Variants in GSK3B observed in about 807,000 individuals in gnomAD.
GSK3B encodes the protein glycogen synthase kinase 3 beta, also known as glycogen synthase kinase-3 beta.
GSK3B carries 15 observed loss-of-function variants against 56.4 expected under a neutral mutation model. The ratio of observed to expected loss-of-function variants is 0.27; its 90% CI spans 0.18 to 0.41. GSK3B has a LOEUF of 0.41. Among genes scored for constraint, GSK3B ranks in the 10% least tolerant of loss-of-function variants. The pLI is 1.00. For synonymous variants in GSK3B, 181 were observed against 188.9 expected, an observed-to-expected ratio of 0.96 and a Z score of 0.34; for missense variants, 300 against 513.4, an observed-to-expected ratio of 0.58 and a Z score of 4.02.
chr3:119,946,694 G>A (rs985708781), intron 3 of GSK3B, among the ~76,000 whole-genome samples: 4 of 152,170 alleles, frequency 2.6e-5, no homozygotes, highest in African/African-American at 7.2e-5. Context: ...GTTGGAAGGA[G>A]TTATTAACAG....
chr3:119,828,539 G>T (rs2055551013), intron 10 of GSK3B, among the ~76,000 whole-genome samples: 1 of 152,166 alleles, frequency 6.6e-6, no homozygotes, highest in Non-Finnish European at 1.5e-5. Context: ...TTCTCTCTAG[G>T]ACTGAAGGGA....
rs547998464 is a variant in GSK3B at position 120,019,751 on chromosome 3, C to T, written c.89-17512G>A. Among the ~76,000 whole-genome samples, 136 of 152,318 alleles carry T rather than the reference C, an allele frequency of 8.9e-4. 1 individual carries two copies. In the Middle Eastern group the frequency reaches 0.01, roughly 11 times the overall value. ...CCTGCCAGACTCCCGCAAGTCTCTA[C>T]GCCTGACCTCCCTCTGATTAAATCC... On this transcript the variant is annotated intron_variant, in intron 1 of 10. Transcript: ENST00000264235.
intron 2 of GSK3B, among the ~76,000 whole-genome samples, chr3:119,947,613 T>A (rs888848406): frequency 6.6e-6 from 1 of 152,168 alleles, no homozygotes; most frequent in Non-Finnish European, 1.5e-5. Context: ...TAAATTGATA[T>A]CTAAGAATAT....
chr3:119,852,790 T>C (rs2108021304), intron 9 of GSK3B, among the ~76,000 whole-genome samples: 1 of 152,316 alleles, frequency 6.6e-6, no homozygotes, highest in Middle Eastern at 3.4e-3. Flanking sequence ...TTCTTGTAAA[T>C]TTGTTTAAGT....
Position 119,826,294 on chromosome 3 carries a change from A to ATACT in GSK3B, c.*493_*494insAGTA. The ATACT allele has an allele frequency of 6.8e-6, 2 of 293,898 alleles. No individual in the cohort carries two copies. The highest frequency in any genetic ancestry group is 9.5e-5 in the Admixed American group (2 of 21,024). The allele number at this position is 293,898 out of a possible 1,614,324, so 18.2% of individuals were successfully genotyped here. A position where few individuals can be genotyped will look rare whatever the true frequency, so the allele number is the denominator to read the frequency against. ...GATATGGATTAATTTTACAAGTGAC[A>ATACT]TTTAAGTCCCCGTTGAGTTATACCT... On this transcript the variant is annotated 3_prime_UTR_variant, in exon 11 of 11. Transcript: ENST00000264235.
chr3:119,859,807 T>C (rs796116790), intron 9 of GSK3B, among the ~76,000 whole-genome samples: 1 of 152,266 alleles, frequency 6.6e-6, no homozygotes, highest in East Asian at 1.9e-4. Flanking sequence ...TGCATATTGC[T>C]CACTGGCTGC....
intron 1 of GSK3B, among the ~76,000 whole-genome samples, chr3:120,015,552 A>G (rs1404906632): frequency 6.9e-6 from 1 of 144,790 alleles, no homozygotes; most frequent in Non-Finnish European, 1.5e-5. Context: ...CGGGAGGCTG[A>G]GGCAAGAGAA....
At chr3:119,826,942 G>A (rs1179029876) in intron 10 of GSK3B, 87 bp from the exon 11 acceptor site, 5 of 795,202 alleles carry the variant, frequency 6.3e-6, no homozygotes, top group Non-Finnish European at 8.7e-6. Context: ...TGCAGGCTGT[G>A]AACTGTATGG....
intron 1 of GSK3B, among the ~76,000 whole-genome samples, chr3:120,053,236 C>T (rs1393212114): frequency 1.3e-5 from 2 of 152,144 alleles, no homozygotes; most frequent in African/African-American, 4.8e-5. Flanking sequence ...ACTCGGGAGG[C>T]TGAGGCAGAA....
chr3:119,998,920 G>A (rs189148580), intron 2 of GSK3B, among the ~76,000 whole-genome samples: 3 of 152,204 alleles, frequency 2.0e-5, no homozygotes, highest in African/African-American at 4.8e-5. Flanking sequence ...TTCAAATAAC[G>A]TACATTTAAA....
chr3:120,094,411 A>G lies in GSK3B; in HGVS notation c.-977T>C. The G allele has an allele frequency of 3.1e-6, 1 of 318,860 alleles. No homozygotes were observed. Among genetic ancestry groups the G allele is most frequent in the South Asian group, 4.0e-5 (1 of 24,874 alleles). 19.8% of individuals were successfully genotyped at this position (318,860 alleles called of 1,614,324 possible). On this transcript the variant is annotated 5_prime_UTR_variant, in exon 1 of 11. Transcript: ENST00000264235. ...GCGGCGGCGGCGGCGGCGGCGGCAC[A>G]AGCCCGCATTCGCCCGGGTCAGGAG... is the stretch of plus-strand genomic sequence containing the variant.
At chr3:120,065,483 G>A (rs73175899) in intron 1 of GSK3B, among the ~76,000 whole-genome samples, 8,550 of 152,104 alleles carry the variant, frequency 0.056, 318 homozygotes, top group Non-Finnish European at 0.083. Context: ...AAGAAGATGC[G>A]GAGAAATGGG....
chr3:119,845,550 C>T (rs979973349), intron 9 of GSK3B, among the ~76,000 whole-genome samples: 3 of 152,146 alleles, frequency 2.0e-5, no homozygotes, highest in African/African-American at 7.2e-5. Context: ...TGAGCAAACT[C>T]CCATTCACAA....
At chr3:119,855,995 G>C (rs371227058) in intron 9 of GSK3B, among the ~76,000 whole-genome samples, 3 of 152,212 alleles carry the variant, frequency 2.0e-5, no homozygotes, top group South Asian at 2.1e-4. Flanking sequence ...CTAATATTTT[G>C]ATTCTGGGAG....
At chr3:119,866,610 G>A (rs1326736846) in intron 8 of GSK3B, 2 of 1,603,890 alleles carry the variant, frequency 1.2e-6, no homozygotes, top group Admixed American at 1.7e-5. Flanking sequence ...GAGGTGAAAT[G>A]TCCTGTTCCT....
At chr3:119,928,712 CAT>C in intron 3 of GSK3B, among the ~76,000 whole-genome samples, 1 of 148,256 alleles carries the variant, frequency 6.7e-6, no homozygotes, top group South Asian at 2.1e-4. Flanking sequence ...AACTATATAG[CAT>C]AGTAATTAAG....
chr3:120,012,824 C>T (rs1559876050), intron 1 of GSK3B, among the ~76,000 whole-genome samples: 1 of 152,118 alleles, frequency 6.6e-6, no homozygotes, highest in Admixed American at 6.6e-5. Context: ...GAGGCACAAA[C>T]CACCATGCCT....
chr3:119,978,758 A>G (rs934631860), intron 2 of GSK3B, among the ~76,000 whole-genome samples: 17 of 152,156 alleles, frequency 1.1e-4, no homozygotes, highest in Non-Finnish European at 1.8e-4. Context: ...AACATTGGAC[A>G]CTAATCCAGC....
chr3:119,860,183 C>T (rs184027834), intron 9 of GSK3B, among the ~76,000 whole-genome samples: 1 of 152,234 alleles, frequency 6.6e-6, no homozygotes, highest in African/African-American at 2.4e-5. Flanking sequence ...TAATATATTC[C>T]AGTCTTGGAA....
Sources: allele counts gnomAD v4.1 joint callset (sites outside exome capture counted in the v4.1 genomes callset), GRCh38; gene constraint gnomAD v4.1.1; transcripts MANE v1.5; gene names NCBI Gene and HGNC (gene_info 2026-07-23, HGNC 2026-07-21).